NEK1: variants seen among roughly 807,000 people sequenced by gnomAD.
NEK1 encodes serine/threonine-protein kinase Nek1.
A neutral mutation model predicts 182.1 loss-of-function variants in NEK1; 137 were observed. That is an observed-to-expected ratio of 0.75 (90% CI 0.65 to 0.87). The LOEUF (loss-of-function observed/expected upper bound fraction) is 0.87, where lower values mean the gene tolerates loss of function less well. Ranked by LOEUF, NEK1 falls within the 40% of genes least tolerant of loss-of-function variation. The pLI is 0.00. For missense variants in NEK1, 1,391 were observed against 1,494.4 expected (o/e 0.93, Z 1.14); for synonymous variants, 513 against 492.2 (o/e 1.04, Z -0.56).
At chr4:169,440,594 C>T (rs949050751) in intron 27 of NEK1, among the ~76,000 whole-genome samples, 1 of 151,988 alleles carries the variant, frequency 6.6e-6, no homozygotes, top group Admixed American at 6.6e-5. Flanking sequence ...GGAATTCAGC[C>T]GCAAAGGGAT....
intron 19 of NEK1, among the ~76,000 whole-genome samples, chr4:169,536,491 A>C (rs1758533404): frequency 6.6e-6 from 1 of 152,146 alleles, no homozygotes; most frequent in South Asian, 2.1e-4. Flanking sequence ...TCCAGTCAAA[A>C]TATTTGTTAA....
rs530568805 is a variant in NEK1, at chr4:169,558,493, T to C, written c.1267-2398A>G. 2.0e-5 allele frequency among the ~76,000 whole-genome samples: 3 copies of C among 152,350 alleles called. No individual in the cohort carries two copies. The South Asian group carries it at 6.2e-4, about 32-fold the overall frequency. ...TCCGTCACTACAGGTTGGATTTGCC[T>C]TTCCCATTATGTCATGTAAATAAAA... On this transcript the variant is annotated intron_variant, in intron 16 of 35. Transcript: ENST00000507142.
chr4:169,534,830 A>T (rs973864338), intron 19 of NEK1, among the ~76,000 whole-genome samples: 9 of 152,222 alleles, frequency 5.9e-5, no homozygotes, highest in African/African-American at 2.2e-4. Context: ...ATTACCAGAC[A>T]TGTAAAGAAA....
In NEK1 at chr4:169,587,597, C is replaced by G; in HGVS notation, c.568G>C (p.Gly190Arg). The change falls in exon 9 of 36, where the codon GGG (glycine) becomes CGG (arginine). Residue 190 changes from glycine (G) to arginine (R), a missense_variant. Physicochemically the swap from Gly to Arg is moderately radical, Grantham distance 125 (BLOSUM62 -2). Around this residue, in one of 5 missense-constraint regions of NEK1, gnomAD observed 1,216 missense variants for 1,277.6 expected, o/e 0.95. Transcript: ENST00000507142. ...YNNKSDIWALGCVLYELCTLK... is the reference protein window; with the variant it reads ...YNNKSDIWALRCVLYELCTLK... ...GTACACAGCTCATAAAGGACACACC[C>G]CAGAGCCCAAATGTCACTGGAGAAG... 1 of 1,549,472 alleles carries G rather than the reference C, an allele frequency of 6.5e-7. No homozygotes were observed. Among genetic ancestry groups the G allele is most frequent in the South Asian group, 1.2e-5 (1 of 82,048 alleles).
In NEK1 at chr4:169,400,364, C is replaced by G. The variant is rs1359365296; in HGVS notation, c.3715-7G>C. ...CTTCATCTTCATGAATAGCCTATAC[C>G]AAATTCCCAAATATAAATTAATATT... is the stretch of plus-strand genomic sequence containing the variant. On this transcript the variant is annotated splice_region_variant and splice_polypyrimidine_tract_variant and intron_variant, in intron 34 of 35. Transcript: ENST00000507142. The G allele has an allele frequency of 6.8e-7, 1 of 1,472,818 alleles. No homozygotes were observed. Among genetic ancestry groups the G allele is most frequent in the Admixed American group, 2.4e-5 (1 of 40,866 alleles). 91.2% of individuals were successfully genotyped at this position (1,472,818 alleles called of 1,614,324 possible). A position where few individuals can be genotyped will look rare whatever the true frequency, so the allele number is the denominator to read the frequency against.
chr4:169,542,400 C>G (rs1366674101), intron 18 of NEK1, among the ~76,000 whole-genome samples: 1 of 152,122 alleles, frequency 6.6e-6, no homozygotes, highest in Non-Finnish European at 1.5e-5. Context: ...TCCAGTCTAT[C>G]CTGATGGGCA....
rs117889646 is a variant in NEK1 at position 169,536,745 on chromosome 4, C to T, written c.1665+1064G>A. Among the ~76,000 whole-genome samples, 6 of 152,060 alleles carry T rather than the reference C, an allele frequency of 3.9e-5. No individual in the cohort carries two copies. The East Asian group carries it at 1.2e-3, about 29-fold the overall frequency. On this transcript the variant is annotated intron_variant, in intron 19 of 35. Coordinates refer to ENST00000507142, the MANE Select transcript of NEK1 (RefSeq NM_001199397.3). ...AATTAGTAAATTTCAGTAAGCCTACCAATTCTTTTAAAAATATTTTAAGTA... is the reference window on the plus strand; with the variant it reads ...AATTAGTAAATTTCAGTAAGCCTACTAATTCTTTTAAAAATATTTTAAGTA...
rs1131690778 is a variant in NEK1 at position 169,477,166 on chromosome 4, G to C, written c.2392C>G (p.Leu798Val). ...GATGTATCTAGTGTTAACTCATCCA[G>C]AGGAATCACAAGTTGACCTCCTGCC... ...WEAGGQLVIP[L>V]DELTLDTSFS... The change falls in exon 26 of 36, where the codon CTG (leucine) becomes GTG (valine). Residue 798 changes from leucine (L) to valine (V), a missense_variant. By Grantham distance (32) the Leu-to-Val change is conservative. Transcript: ENST00000507142. The C allele has an allele frequency of 1.1e-5, 17 of 1,607,872 alleles. No homozygotes were observed. Among genetic ancestry groups the C allele is most frequent in the Non-Finnish European group, 1.4e-5 (16 of 1,176,734 alleles).
At chr4:169,484,567 G>GA (rs1382930561) in intron 23 of NEK1, among the ~76,000 whole-genome samples, 1 of 152,092 alleles carries the variant, frequency 6.6e-6, no homozygotes, top group African/African-American at 2.4e-5. Flanking sequence ...ATGTTACAGA[G>GA]AAAAAAATAA....
intron 19 of NEK1, among the ~76,000 whole-genome samples, chr4:169,530,409 TCAGTA>T (rs374596753): frequency 3.3e-5 from 5 of 152,258 alleles, no homozygotes; most frequent in African/African-American, 1.2e-4. Context: ...TTTTCCACTT[TCAGTA>T]CAGTATTCAA....
At chr4:169,507,184 T>TG in intron 22 of NEK1, 52 bp from the exon 23 acceptor site, 3 of 581,226 alleles carry the variant, frequency 5.2e-6, no homozygotes, top group Middle Eastern at 3.6e-4. Flanking sequence ...AGGGCAGAGG[T>TG]TTTTTTTTTT....
At chr4:169,427,726 C>T (rs909348849) in intron 29 of NEK1, among the ~76,000 whole-genome samples, 2 of 149,310 alleles carry the variant, frequency 1.3e-5, no homozygotes, top group African/African-American at 4.9e-5. Flanking sequence ...AAACTCCTGA[C>T]CTCAGGTGAT....
chr4:169,459,627 G>A (rs575516992), intron 27 of NEK1, among the ~76,000 whole-genome samples: 28 of 152,246 alleles, frequency 1.8e-4, no homozygotes, highest in African/African-American at 6.3e-4. Context: ...AAGCAATCAC[G>A]ATGTCTTTCA....
chr4:169,446,503 C>G (rs368097298), intron 27 of NEK1, among the ~76,000 whole-genome samples: 1 of 151,964 alleles, frequency 6.6e-6, no homozygotes, highest in African/African-American at 2.4e-5. Flanking sequence ...ACCCAGACAC[C>G]GATGAACACC....
At position 169,595,808 on chromosome 4, in the gene NEK1, T is replaced by C. The variant is rs7687585; in HGVS notation, c.312+3292A>G. 2.0e-5 allele frequency among the ~76,000 whole-genome samples: 3 copies of C among 150,104 alleles called. No homozygotes were observed. In the Admixed American group the frequency reaches 2.0e-4, roughly 10 times the overall value. ...CGTGGTGGCGGGCGCCTGTAGTCCCTGCTACTCAGGAGGCTGAGGCAGAAG... is the reference window on the plus strand; with the variant it reads ...CGTGGTGGCGGGCGCCTGTAGTCCCCGCTACTCAGGAGGCTGAGGCAGAAG... On this transcript the variant is annotated intron_variant, in intron 5 of 35. Transcript: ENST00000507142.
At chr4:169,601,034 A>C (rs1194332620) in intron 4 of NEK1, among the ~76,000 whole-genome samples, 1 of 152,216 alleles carries the variant, frequency 6.6e-6, no homozygotes, top group African/African-American at 2.4e-5. Context: ...ATAAAGGAAA[A>C]TTCAAGGTCC....
At chr4:169,589,027 A>G (rs1353081709) in intron 7 of NEK1, among the ~76,000 whole-genome samples, 1 of 152,186 alleles carries the variant, frequency 6.6e-6, no homozygotes, top group Non-Finnish European at 1.5e-5. Flanking sequence ...CACTCACAGA[A>G]AGCAACTTCC....
chr4:169,408,423 A>G (rs1203488544), intron 31 of NEK1, among the ~76,000 whole-genome samples: 1 of 151,452 alleles, frequency 6.6e-6, no homozygotes, highest in East Asian at 1.9e-4. Context: ...TTTTTTCCCT[A>G]TAGATTTATT....
intron 27 of NEK1, among the ~76,000 whole-genome samples, chr4:169,447,733 G>C (rs957732313): frequency 6.6e-6 from 1 of 152,090 alleles, no homozygotes; most frequent in African/African-American, 2.4e-5. Flanking sequence ...GCCAGGTGTG[G>C]TGGCACACAC....
Sources: gnomAD v4.1 joint callset for allele counts (sites outside exome capture counted in the v4.1 genomes callset) on GRCh38, gnomAD v4.1.1 for gene constraint, gnomAD v4.1.1 regional missense constraint, MANE v1.5 for transcripts, NCBI Gene and HGNC (gene_info 2026-07-23, HGNC 2026-07-21) for gene names.